The following PHGDH variants were observed in gnomAD, a reference collection of about 807,000 sequenced individuals.
PHGDH encodes the protein D-3-phosphoglycerate dehydrogenase.
PHGDH carries 50 observed loss-of-function variants against 52.6 expected under a neutral mutation model. The observed-to-expected ratio is 0.95, with a 90% confidence interval of 0.76 to 1.20. The LOEUF is 1.20. PHGDH is among the 50% of genes most tolerant of loss of function. The pLI is 0.00. For synonymous variants in PHGDH, 271 were observed against 280.5 expected (o/e 0.97, Z 0.34); for missense variants, 630 against 684.6 (o/e 0.92, Z 0.89).
chr1:119,725,142 C>T (rs951079408), intron 3 of PHGDH, among the ~76,000 whole-genome samples: 2 of 152,140 alleles, frequency 1.3e-5, no homozygotes, highest in Non-Finnish European at 2.9e-5. Context: ...ACCATTTTTG[C>T]CTGCTTTACC....
intron 5 of PHGDH, among the ~76,000 whole-genome samples, chr1:119,730,969 G>C (rs1651664409): frequency 6.6e-6 from 1 of 152,146 alleles, no homozygotes; most frequent in African/African-American, 2.4e-5. Context: ...ACATATGAAG[G>C]CTAGAATGGT....
At chr1:119,735,513 A>G in intron 7 of PHGDH, 70 bp downstream of exon 7, 1 of 1,476,924 alleles carries the variant, frequency 6.8e-7, no homozygotes, top group Non-Finnish European at 9.3e-7. Flanking sequence ...ATGGCAGGGA[A>G]AGCCTGGCGT....
rs121907987 is a variant in PHGDH at position 119,743,906 on chromosome 1, G to A, written c.1468G>A (p.Val490Met). The A allele has an allele frequency of 6.4e-5, 103 of 1,613,692 alleles. No individual in the cohort carries two copies. Among genetic ancestry groups the A allele is most frequent in the African/African-American group, 5.3e-5 (4 of 74,922 alleles). The change falls in exon 12 of 12, where the codon GTG becomes ATG. Residue 490 changes from valine to methionine, a missense_variant. By Grantham distance (21) the Val-to-Met change is conservative (BLOSUM62 1). Coordinates refer to ENST00000641023, the MANE Select transcript of PHGDH (RefSeq NM_006623.4). ...TMIGLLAEAG[V>M]RLLSYQTSLV... ...TCCAGGCCTCCTGGCAGAGGCAGGCGTGCGGCTGCTGTCCTACCAGACTTC... is the reference window on the plus strand; with the variant it reads ...TCCAGGCCTCCTGGCAGAGGCAGGCATGCGGCTGCTGTCCTACCAGACTTC...
chr1:119,718,135 T>G (rs2101148610), intron 1 of PHGDH, among the ~76,000 whole-genome samples: 1 of 152,278 alleles, frequency 6.6e-6, no homozygotes, highest in East Asian at 1.9e-4. Context: ...GGACCTTTGT[T>G]AGGGAGCTTC....
intron 1 of PHGDH, among the ~76,000 whole-genome samples, chr1:119,714,175 T>C (rs1650819834): frequency 6.6e-6 from 1 of 152,198 alleles, no homozygotes; most frequent in South Asian, 2.1e-4. Context: ...ACACTATGCC[T>C]TTTTATTCTG....
At chr1:119,730,376 A>G (rs1359649327) in intron 5 of PHGDH, among the ~76,000 whole-genome samples, 1 of 152,214 alleles carries the variant, frequency 6.6e-6, no homozygotes, top group African/African-American at 2.4e-5. Context: ...GTAATAAAGG[A>G]ATGCATTCTC....
chr1:119,714,806 C>G (rs1422643111), intron 1 of PHGDH, among the ~76,000 whole-genome samples: 1 of 152,296 alleles, frequency 6.6e-6, no homozygotes, highest in East Asian at 1.9e-4. Flanking sequence ...TCACTCTTCC[C>G]AACCTGGTGC....
At chr1:119,721,081 T>G (rs1249278913) in intron 1 of PHGDH, 89 bp from the exon 2 acceptor site, 1 of 1,221,896 alleles carries the variant, frequency 8.2e-7, no homozygotes, top group African/African-American at 1.5e-5. Context: ...GAAATGCATC[T>G]CTTACTCAGG....
intron 5 of PHGDH, among the ~76,000 whole-genome samples, chr1:119,728,552 G>C (rs1293570354): frequency 6.6e-6 from 1 of 152,074 alleles, no homozygotes; most frequent in Non-Finnish European, 1.5e-5. Flanking sequence ...TCCTACTCTG[G>C]GAGCTCAGTA....
Position 119,726,850 on chromosome 1 carries a change from G to A in PHGDH, c.357-1G>A, listed in dbSNP as rs766427173. On this transcript the variant is annotated splice_acceptor_variant, in intron 3 of 11. Transcript: ENST00000641023. LOFTEE classifies it high-confidence loss of function. Reference sequence around the variant, plus strand: ...CTCTGAACCTGTGTCTATCCTTGCAGGCAGATTCCCCAGGCGACGGCTTCG... The same window carrying A: ...CTCTGAACCTGTGTCTATCCTTGCAAGCAGATTCCCCAGGCGACGGCTTCG... The A allele has an allele frequency of 5.0e-6, 8 of 1,613,864 alleles. No individual in the cohort carries two copies. The South Asian group carries it at 7.7e-5, about 16-fold the overall frequency.
At chr1:119,722,681 A>G (rs1487407848) in intron 2 of PHGDH, among the ~76,000 whole-genome samples, 1 of 151,844 alleles carries the variant, frequency 6.6e-6, no homozygotes, top group Non-Finnish European at 1.5e-5. Flanking sequence ...CAGGAGTTTG[A>G]GACCAGCCTG....
intron 5 of PHGDH, among the ~76,000 whole-genome samples, chr1:119,733,143 AGGGC>A (rs1468404599): frequency 3.9e-5 from 6 of 152,166 alleles, no homozygotes; most frequent in Non-Finnish European, 8.8e-5. Context: ...AGGTTCTTAT[AGGGC>A]GTGGGAGAGG....
rs182868038 is a variant in PHGDH, at chr1:119,737,098, A to G, written c.793-16A>G. 5.6e-6 allele frequency: 9 copies of G among 1,613,708 alleles called. No homozygotes were observed. In the Admixed American group the frequency reaches 6.7e-5, roughly 12 times the overall value. On this transcript the variant is annotated splice_polypyrimidine_tract_variant and intron_variant, in intron 7 of 11. Transcript: ENST00000641023. The stretch of plus-strand genomic sequence containing the variant: ...AGTCCATGGCAGCCAACTTAGAGGT[A>G]TCTCTTTCTGGGCAGGAGCCGCCAC...
At position 119,734,560 on chromosome 1, in the gene PHGDH, G is replaced by A. The variant is rs1651846427; in HGVS notation, c.511-74G>A. The stretch of plus-strand genomic sequence containing the variant: ...AGTATATGGTAAATGCTCAAAAAAT[G>A]TTTGCCATTCTTAATAATAACAATA... On this transcript the variant is annotated intron_variant, in intron 5 of 11. Coordinates refer to ENST00000641023, the MANE Select transcript of PHGDH (RefSeq NM_006623.4). 8 of 1,445,712 alleles carry A rather than the reference G, an allele frequency of 5.5e-6. No individual in the cohort carries two copies. The East Asian group carries it at 1.8e-4, about 33-fold the overall frequency. The allele number at this position is 1,445,712 out of a possible 1,614,324, so 89.6% of individuals were successfully genotyped here.
intron 8 of PHGDH, among the ~76,000 whole-genome samples, chr1:119,738,172 C>T (rs1427081389): frequency 3.9e-5 from 6 of 152,204 alleles, no homozygotes; most frequent in Admixed American, 3.3e-4. Context: ...TGGGCCCAGG[C>T]CATGGAGTCA....
intron 7 of PHGDH, 65 bp from the exon 8 acceptor site, chr1:119,737,048 TG>T: frequency 1.3e-6 from 2 of 1,541,848 alleles, no homozygotes; most frequent in Non-Finnish European, 1.8e-6. Flanking sequence ...TCCTGTTGCC[TG>T]GGGTGGCCCA....
intron 2 of PHGDH, 122 bp downstream of exon 2, chr1:119,721,443 A>T (rs1029042870): frequency 3.1e-6 from 3 of 971,942 alleles, no homozygotes; most frequent in Non-Finnish European, 4.6e-6. Context: ...TTCCAGGAGG[A>T]TGCCTGGTCT....
In PHGDH at chr1:119,740,306, TG is replaced by T; in HGVS notation, c.946-77del. On this transcript the variant is annotated intron_variant, in intron 8 of 11. Coordinates refer to ENST00000641023, the MANE Select transcript of PHGDH (RefSeq NM_006623.4). ...CCCTATACTGTCTTTCTTGTGGAGC[TG>T]GGTCTTGGCAGCCAGATCTTGATTC... 3.3e-6 allele frequency: 5 copies of T among 1,497,288 alleles called. No homozygotes were observed. In the African/African-American group the frequency reaches 5.5e-5, roughly 16 times the overall value. 92.8% of individuals were successfully genotyped at this position (1,497,288 alleles called of 1,614,324 possible).
chr1:119,737,106 C>G lies in PHGDH; in HGVS notation c.793-8C>G. The G allele has an allele frequency of 6.2e-7, 1 of 1,613,896 alleles. No individual in the cohort carries two copies. Among genetic ancestry groups the G allele is most frequent in the African/African-American group, 1.3e-5 (1 of 75,060 alleles). ...GCAGCCAACTTAGAGGTATCTCTTT[C>G]TGGGCAGGAGCCGCCACGGGACCGG... On this transcript the variant is annotated splice_region_variant and splice_polypyrimidine_tract_variant and intron_variant, in intron 7 of 11. Transcript: ENST00000641023.
Sources: gnomAD v4.1 joint callset for allele counts (sites outside exome capture counted in the v4.1 genomes callset) on GRCh38, gnomAD v4.1.1 for gene constraint, MANE v1.5 for transcripts, NCBI Gene and HGNC (gene_info 2026-07-23, HGNC 2026-07-21) for gene names.